WIPF3: variants seen among roughly 807,000 people sequenced by gnomAD.
WIPF3 encodes the protein WAS/WASL-interacting protein family member 3.
A neutral mutation model predicts 38.9 loss-of-function variants in WIPF3; 33 were observed. The observed-to-expected ratio is 0.85, with a 90% confidence interval of 0.64 to 1.14. The LOEUF (loss-of-function observed/expected upper bound fraction) is 1.14. Ranked by LOEUF, WIPF3 falls within the 50% of genes most tolerant of loss-of-function variation. WIPF3 has a pLI of 0.00. For synonymous variants in WIPF3, 324 were observed against 269.3 expected (o/e 1.20, Z -1.99); for missense variants, 711 against 652.5 (o/e 1.09, Z -0.98).
intron 8 of WIPF3, among the ~76,000 whole-genome samples, chr7:29,907,202 T>A (rs1443038703): frequency 1.3e-5 from 2 of 152,248 alleles, no homozygotes; most frequent in African/African-American, 4.8e-5. Context: ...ATTTTTAAAT[T>A]TTTTAGTTTA....
intron 2 of WIPF3, among the ~76,000 whole-genome samples, chr7:29,854,316 T>C (rs1299421012): frequency 6.6e-6 from 1 of 152,192 alleles, no homozygotes; most frequent in Admixed American, 6.5e-5. Context: ...TATAAGACCC[T>C]CAAAAGTATT....
At chr7:29,883,651 C>T (rs919028097) in intron 4 of WIPF3, among the ~76,000 whole-genome samples, 199 bp from the exon 5 acceptor site, 1 of 152,156 alleles carries the variant, frequency 6.6e-6, no homozygotes, top group Non-Finnish European at 1.5e-5. Context: ...TTAATGCTGG[C>T]AAGGACTTTG....
intron 8 of WIPF3, among the ~76,000 whole-genome samples, chr7:29,908,058 G>A (rs551750133): frequency 5.3e-5 from 8 of 152,146 alleles, no homozygotes; most frequent in Non-Finnish European, 1.2e-4. Context: ...TCAAAAGACA[G>A]AGATTGGCAG....
chr7:29,879,265 A>C (rs1462092361), intron 4 of WIPF3, 125 bp downstream of exon 4: 1 of 1,241,410 alleles, frequency 8.1e-7, no homozygotes, highest in Non-Finnish European at 1.1e-6. Context: ...AGAGTAGAAG[A>C]TCATGTTCTT....
intron 2 of WIPF3, among the ~76,000 whole-genome samples, chr7:29,871,827 C>A (rs1785501770): frequency 6.6e-6 from 1 of 152,182 alleles, no homozygotes; most frequent in African/African-American, 2.4e-5. Context: ...TCTAATCTCA[C>A]AGGCACACTT....
At chr7:29,809,290 G>A (rs1470362686) in intron 1 of WIPF3, among the ~76,000 whole-genome samples, 2 of 152,198 alleles carry the variant, frequency 1.3e-5, no homozygotes, top group African/African-American at 4.8e-5. Context: ...AAGTTTTGGT[G>A]TAAAGAACGT....
At chr7:29,888,011 T>C in intron 5 of WIPF3, 57 bp from the exon 6 acceptor site, 1 of 1,606,880 alleles carries the variant, frequency 6.2e-7, no homozygotes, top group East Asian at 2.2e-5. Context: ...CACATAAGGT[T>C]ATAGCATCCA....
At chr7:29,867,188 G>A (rs563404346) in intron 2 of WIPF3, among the ~76,000 whole-genome samples, 3 of 152,200 alleles carry the variant, frequency 2.0e-5, no homozygotes, top group African/African-American at 7.2e-5. Context: ...TTACCCAAAC[G>A]CCAAAGTCAC....
Position 29,915,697 on chromosome 7 carries a change from T to G in WIPF3, c.*1181T>G, listed in dbSNP as rs1382970320. 6.6e-6 allele frequency: 1 copy of G among 152,322 alleles called. No homozygotes were observed. Among genetic ancestry groups the G allele is most frequent in the African/African-American group, 2.4e-5 (1 of 41,454 alleles). The allele number at this position is 152,322 out of a possible 1,614,324, so 9.4% of individuals were successfully genotyped here. A position where few individuals can be genotyped will look rare whatever the true frequency, so the allele number is the denominator to read the frequency against. On this transcript the variant is annotated 3_prime_UTR_variant, in exon 9 of 9. Coordinates refer to ENST00000242140, the MANE Select transcript of WIPF3 (RefSeq NM_001080529.3). ...GGCTGGTCCTGCTCTTCACTCCCTCTTCTTGATCCTGTAGGGAGTGGAAAT... is the reference window on the plus strand; with the variant it reads ...GGCTGGTCCTGCTCTTCACTCCCTCGTCTTGATCCTGTAGGGAGTGGAAAT...
At chr7:29,858,384 AGT>A (rs1163117761) in intron 2 of WIPF3, among the ~76,000 whole-genome samples, 1 of 152,196 alleles carries the variant, frequency 6.6e-6, no homozygotes, top group Non-Finnish European at 1.5e-5. Context: ...AAAGAAGGAC[AGT>A]GTGTAAGGAT....
At chr7:29,893,852 T>A (rs1217469071) in intron 7 of WIPF3, among the ~76,000 whole-genome samples, 2 of 152,084 alleles carry the variant, frequency 1.3e-5, no homozygotes, top group African/African-American at 4.8e-5. Flanking sequence ...ACCTGGCCCC[T>A]GAAGGCTTTT....
chr7:29,827,532 G>A (rs1784637290), intron 1 of WIPF3, among the ~76,000 whole-genome samples: 1 of 152,088 alleles, frequency 6.6e-6, no homozygotes, highest in East Asian at 1.9e-4. Flanking sequence ...CTGGCCGCAA[G>A]GTACCTTTAA....
Position 29,813,627 on chromosome 7 carries a change from TTAA to T in WIPF3, c.-58+6954_-58+6956del, listed in dbSNP as rs373689291. Among the ~76,000 whole-genome samples, 16 of 152,370 alleles carry T rather than the reference TTAA, an allele frequency of 1.1e-4. No individual in the cohort carries two copies. The East Asian group carries it at 3.1e-3, about 29-fold the overall frequency. On this transcript the variant is annotated intron_variant, in intron 1 of 8. Transcript: ENST00000242140. ...TGCCCTGGATTCTTTTTTCCTGATA[TTAA>T]TAATGCTACAGCAGTTTTTTTCTTA...
intron 1 of WIPF3, among the ~76,000 whole-genome samples, chr7:29,808,863 A>G (rs1470582442): frequency 6.6e-6 from 1 of 152,214 alleles, no homozygotes; most frequent in Non-Finnish European, 1.5e-5. Context: ...CACAAAGAAT[A>G]AAGAATATAA....
chr7:29,872,830 G>T (rs561412614), intron 2 of WIPF3, among the ~76,000 whole-genome samples: 10 of 135,840 alleles, frequency 7.4e-5, no homozygotes, highest in Admixed American at 6.6e-4. Context: ...AAAAAGATCC[G>T]GTGAGAGAGA....
chr7:29,812,906 C>T (rs1784401519), intron 1 of WIPF3, among the ~76,000 whole-genome samples: 2 of 152,180 alleles, frequency 1.3e-5, no homozygotes. Flanking sequence ...TGAAATGCAC[C>T]CAACTGCCTG....
intron 7 of WIPF3, among the ~76,000 whole-genome samples, chr7:29,902,265 C>CTTTTTTTT (rs141174377): frequency 5.2e-4 from 61 of 116,370 alleles, no homozygotes; most frequent in East Asian, 1.2e-3. Context: ...TTTTCTTCTT[C>CTTTTTTTT]TTCTTCTTCT....
intron 2 of WIPF3, among the ~76,000 whole-genome samples, chr7:29,868,958 G>A (rs920098395): frequency 9.9e-5 from 15 of 151,904 alleles, no homozygotes; most frequent in Admixed American, 3.9e-4. Context: ...GTGCACACAC[G>A]CACACACATG....
intron 7 of WIPF3, among the ~76,000 whole-genome samples, chr7:29,897,398 A>G (rs1050869984): frequency 6.6e-5 from 10 of 152,190 alleles, no homozygotes; most frequent in African/African-American, 2.4e-4. Context: ...TACTGTTTTC[A>G]TATCTACTGG....
Sources: allele counts gnomAD v4.1 joint callset (sites outside exome capture counted in the v4.1 genomes callset), GRCh38; gene constraint gnomAD v4.1.1; transcripts MANE v1.5; gene names NCBI Gene and HGNC (gene_info 2026-07-23, HGNC 2026-07-21).